Variants in DNAH7 observed in about 807,000 individuals in gnomAD.
The protein encoded by DNAH7 is dynein axonemal heavy chain 7.
Under a neutral mutation model 444.6 loss-of-function variants are expected in DNAH7, and 397 were observed. The observed-to-expected ratio is 0.89, with a 90% CI of 0.82 to 0.97. DNAH7 has a LOEUF of 0.97. Among genes scored for constraint, DNAH7 ranks in the 50% least tolerant of loss-of-function variants. DNAH7 has a pLI of 0.00. For missense variants in DNAH7, 4,902 were observed against 4,800.8 expected (o/e 1.02, Z -0.62); for synonymous variants, 1,636 against 1,624.4 (o/e 1.01, Z -0.17).
intron 60 of DNAH7, among the ~76,000 whole-genome samples, chr2:195,773,777 A>T (rs917177922): frequency 6.6e-6 from 1 of 152,198 alleles, no homozygotes; most frequent in Non-Finnish European, 1.5e-5. Context: ...CTAGTTTTAT[A>T]ATATTCTAAG....
At chr2:195,870,396 G>C (rs187732987) in intron 40 of DNAH7, among the ~76,000 whole-genome samples, 31 of 152,058 alleles carry the variant, frequency 2.0e-4, no homozygotes, top group African/African-American at 7.0e-4. Flanking sequence ...GAAGGAAGTG[G>C]GCAAGCCTGC....
At chr2:195,950,713 G>T (rs915870464) in intron 19 of DNAH7, among the ~76,000 whole-genome samples, 2 of 151,666 alleles carry the variant, frequency 1.3e-5, no homozygotes, top group Non-Finnish European at 2.9e-5. Flanking sequence ...TTAGCCAGGC[G>T]TGGTGGCGGG....
intron 21 of DNAH7, among the ~76,000 whole-genome samples, chr2:195,932,085 CTCTTT>C (rs1402016161): frequency 6.6e-6 from 1 of 152,030 alleles, no homozygotes; most frequent in Non-Finnish European, 1.5e-5. Context: ...TGTTTGTATC[CTCTTT>C]TATTTCATTG....
Position 195,972,434 on chromosome 2 carries a change from C to A in DNAH7, c.1866G>T (p.Met622Ile), listed in dbSNP as rs756009998. The change falls in exon 16 of 65, where the codon ATG (methionine) becomes ATT (isoleucine). Residue 622 changes from methionine to isoleucine, a missense_variant. Physicochemically the swap from Met to Ile is conservative, Grantham distance 10 (BLOSUM62 1). Transcript: ENST00000312428. Reference protein sequence around the residue: ...AYIQKVEVTDMIELEQRLVDS... With the variant: ...AYIQKVEVTDIIELEQRLVDS... ...CCACTAATCTCTGTTCTAGTTCAATCATATCAGTTACCTCCACTTTCTGAA... is the reference window on the plus strand; with the variant it reads ...CCACTAATCTCTGTTCTAGTTCAATAATATCAGTTACCTCCACTTTCTGAA... The A allele has an allele frequency of 1.9e-6, 3 of 1,614,084 alleles. No individual in the cohort carries two copies. The highest frequency in any genetic ancestry group is 1.7e-6 in the Non-Finnish European group (2 of 1,179,992).
rs115732507 is a variant in DNAH7, at chr2:195,855,674, G to A, written c.8595+137C>T. The A allele has an allele frequency of 7.1e-3, 5,977 of 843,940 alleles. 31 individuals carry two copies. The highest frequency in any genetic ancestry group is 8.4e-3 in the Non-Finnish European group (4,754 of 562,736). The allele number at this position is 843,940 out of a possible 1,614,324, so 52.3% of individuals were successfully genotyped here. ...GCCACACGAAAACAGGCGATGGGCA[G>A]ATGTGGCCTGCGGGTCATAGTTTGC... On this transcript the variant is annotated intron_variant, in intron 45 of 64. Transcript: ENST00000312428.
rs1697258292 is a variant in DNAH7 at position 196,048,314 on chromosome 2, T to C, written c.232A>G (p.Lys78Glu). The C allele has an allele frequency of 1.1e-5, 18 of 1,613,436 alleles. No individual in the cohort carries two copies. Among genetic ancestry groups the C allele is most frequent in the Middle Eastern group, 1.6e-4 (1 of 6,084 alleles). ...DDESPEPFSV[K>E]NEQSHAEYME... ...TTCTTACCATGGGACTGTTCATTTT[T>C]AACACTAAATGGTTCTGGACTCTCA... is the stretch of plus-strand genomic sequence containing the variant. Residue 78 changes from lysine to glutamate, a missense_variant, in exon 4 of 65, where the codon AAA (lysine) becomes GAA (glutamate). Lys to Glu is a moderately conservative substitution (Grantham distance 56). Transcript: ENST00000312428.
chr2:195,998,940 A>C, intron 12 of DNAH7: 2 of 544,078 alleles, frequency 3.7e-6, no homozygotes, highest in Admixed American at 3.2e-5. Context: ...GCATGAGTTG[A>C]AAGGTCATTA....
At chr2:195,821,233 C>T (rs1205487124) in intron 49 of DNAH7, among the ~76,000 whole-genome samples, 1 of 151,726 alleles carries the variant, frequency 6.6e-6, no homozygotes, top group African/African-American at 2.4e-5. Flanking sequence ...TTTTAAAGCA[C>T]CTTTGGAGGT....
chr2:195,872,505 T>C, intron 39 of DNAH7, 36 bp from the exon 40 acceptor site: 3 of 1,412,168 alleles, frequency 2.1e-6, no homozygotes, highest in Non-Finnish European at 2.9e-6. Flanking sequence ...AAGGAAAATG[T>C]TAGCAATTAT....
In DNAH7 at chr2:195,934,776, A is replaced by C. The variant is rs1688937646; in HGVS notation, c.3286T>G (p.Leu1096Val). Residue 1096 changes from leucine to valine, a missense_variant, in exon 21 of 65, where the codon TTG becomes GTG. Physicochemically the swap from Leu to Val is conservative, Grantham distance 32. Transcript: ENST00000312428. ...TKDPTRVQPH[L>V]KKCFEGIAKV... ...GCGATTCCTTCAAAACATTTCTTCA[A>C]GTGAGGTTGCACCCTGTCAGGAAAA... The C allele has an allele frequency of 6.2e-7, 1 of 1,614,098 alleles. No homozygotes were observed. The highest frequency in any genetic ancestry group is 1.3e-5 in the African/African-American group (1 of 75,070).
At chr2:195,906,853 A>G in intron 26 of DNAH7, 54 bp downstream of exon 26, 12 of 1,607,232 alleles carry the variant, frequency 7.5e-6, no homozygotes, top group Non-Finnish European at 1.0e-5. Flanking sequence ...GCCATTCACT[A>G]CCTCTCATAT....
At chr2:195,956,632 C>A (rs1690676014) in intron 19 of DNAH7, among the ~76,000 whole-genome samples, 2 of 142,412 alleles carry the variant, frequency 1.4e-5, no homozygotes, top group Admixed American at 6.9e-5. Context: ...GCCTGGGTGA[C>A]AGAGCGAGAC....
chr2:196,037,758 A>G (rs1282864265), intron 5 of DNAH7, among the ~76,000 whole-genome samples: 2 of 152,218 alleles, frequency 1.3e-5, no homozygotes, highest in Non-Finnish European at 2.9e-5. Context: ...AAGCAAACAA[A>G]TATTGAAATT....
chr2:195,743,581 AAAAG>A (rs1405188012), intron 63 of DNAH7, among the ~76,000 whole-genome samples: 3 of 152,224 alleles, frequency 2.0e-5, no homozygotes, highest in African/African-American at 7.2e-5. Context: ...AGATTGGAAA[AAAAG>A]AAACTTGGCT....
At chr2:195,959,532 C>T (rs1356674147) in intron 18 of DNAH7, among the ~76,000 whole-genome samples, 1 of 152,194 alleles carries the variant, frequency 6.6e-6, no homozygotes, top group Non-Finnish European at 1.5e-5. Flanking sequence ...CCAATCAGAA[C>T]ATGCCCAAGT....
rs780633828 is a variant in DNAH7, at chr2:195,799,295, C to A, written c.10353+1G>T. 1.3e-6 allele frequency: 2 copies of A among 1,573,310 alleles called. No individual in the cohort carries two copies. Among genetic ancestry groups the A allele is most frequent in the East Asian group, 2.3e-5 (1 of 42,950 alleles). ...CGATAACTTCATCTATTGTAAGGTA[C>A]CTGGTCATCAGCAAATTTTAGAAGG... On this transcript the variant is annotated splice_donor_variant, in intron 55 of 64. Transcript: ENST00000312428. LOFTEE classifies it high-confidence loss of function.
intron 7 of DNAH7, among the ~76,000 whole-genome samples, chr2:196,025,012 G>A (rs765125314): frequency 2.6e-5 from 4 of 152,232 alleles, no homozygotes; most frequent in African/African-American, 9.6e-5. Context: ...GTGTAACAAC[G>A]ATTTACATAG....
At chr2:195,876,415 C>A (rs905011187) in intron 37 of DNAH7, 129 bp downstream of exon 37, 4 of 896,906 alleles carry the variant, frequency 4.5e-6, no homozygotes, top group Admixed American at 2.7e-5. Context: ...TTAGGAGAAC[C>A]TTTTAATCCA....
rs12613708 is a variant in DNAH7 at position 195,892,787 on chromosome 2, A to G, written c.4897-983T>C. On this transcript the variant is annotated intron_variant, in intron 30 of 64. Transcript: ENST00000312428. ...ATACAGAACACTTTCACTCCCCTAA[A>G]AATCCTGTGCTCCACCTATTGGCAA... The G allele has an allele frequency of 3.3e-5, 5 of 152,046 alleles. No homozygotes were observed. In the East Asian group the frequency reaches 5.8e-4, roughly 18 times the overall value. The allele number at this position is 152,046 out of a possible 1,614,324, so 9.4% of individuals were successfully genotyped here.
Sources: allele counts gnomAD v4.1 joint callset (sites outside exome capture counted in the v4.1 genomes callset), GRCh38; gene constraint gnomAD v4.1.1; transcripts MANE v1.5; gene names NCBI Gene and HGNC (gene_info 2026-07-23, HGNC 2026-07-21).